Variants in SPHKAP observed in about 807,000 individuals in gnomAD.
SPHKAP encodes the protein SPHK1 interactor, AKAP domain containing.
A neutral mutation model predicts 137.5 loss-of-function variants in SPHKAP; 67 were observed. The ratio of observed to expected loss-of-function variants is 0.49; its 90% CI spans 0.40 to 0.60. The LOEUF (loss-of-function observed/expected upper bound fraction) is 0.60, where lower values mean the gene tolerates loss of function less well. SPHKAP is among the 20% of genes least tolerant of loss of function. The pLI is 0.00. For missense variants in SPHKAP, 2,097 were observed against 2,069.3 expected, an observed-to-expected ratio of 1.01 and a Z score of -0.26; for synonymous variants, 813 against 785.3, an observed-to-expected ratio of 1.04 and a Z score of -0.59.
At chr2:228,178,581 A>G (rs1225971896) in intron 1 of SPHKAP, among the ~76,000 whole-genome samples, 1 of 152,128 alleles carries the variant, frequency 6.6e-6, no homozygotes, top group African/African-American at 2.4e-5. Context: ...GACTTAGCAA[A>G]TCAAATCAAT....
At chr2:227,982,204 AG>A in intron 11 of SPHKAP, 1 of 985,154 alleles carries the variant, frequency 1.0e-6, no homozygotes, top group Non-Finnish European at 1.2e-6. Flanking sequence ...TTTCTGTAAT[AG>A]GATTGTGTAT....
Position 228,035,049 on chromosome 2 carries a change from G to A in SPHKAP, c.247-7506C>T, listed in dbSNP as rs577664508. Among the ~76,000 whole-genome samples, 375 of 149,080 alleles carry A rather than the reference G, an allele frequency of 2.5e-3. 1 individual carries two copies. Among genetic ancestry groups the A allele is most frequent in the African/African-American group, 9.1e-3 (366 of 40,256 alleles). Reference sequence around the variant, plus strand: ...TGGCCAGGGCAATTAGGCAGGAGAAGGAAATAAAGGGTATTCAATTAGGAA... The same window carrying A: ...TGGCCAGGGCAATTAGGCAGGAGAAAGAAATAAAGGGTATTCAATTAGGAA... On this transcript the variant is annotated intron_variant, in intron 3 of 11. Transcript: ENST00000392056.
At position 228,028,042 on chromosome 2, in the gene SPHKAP, T is replaced by A. The variant is rs1049194045; in HGVS notation, c.247-499A>T. 1.7e-5 allele frequency: 17 copies of A among 984,770 alleles called. No homozygotes were observed. The East Asian group carries it at 9.1e-4, about 53-fold the overall frequency. The allele number at this position is 984,770 out of a possible 1,614,324, so 61.0% of individuals were successfully genotyped here. Reference sequence around the variant, plus strand: ...TCCAAATAGCTCTCCAACACCCTGCTCAGCTTCCCACTGGTCACAACAAAT... The same window carrying A: ...TCCAAATAGCTCTCCAACACCCTGCACAGCTTCCCACTGGTCACAACAAAT... On this transcript the variant is annotated intron_variant, in intron 3 of 11. Transcript: ENST00000392056.
intron 3 of SPHKAP, chr2:228,027,988 A>T (rs1257218096): frequency 1.1e-4 from 110 of 983,078 alleles, no homozygotes; most frequent in Non-Finnish European, 1.3e-4. Context: ...AAAAAAGAAA[A>T]AAAGAAATAG....
chr2:227,990,891 G>A, intron 11 of SPHKAP, 109 bp downstream of exon 11: 1 of 1,118,442 alleles, frequency 8.9e-7, no homozygotes, highest in Non-Finnish European at 1.3e-6. Flanking sequence ...ATCAAGAACA[G>A]TCAGGATCAA....
rs369861574 is a variant in SPHKAP at position 227,986,362 on chromosome 2, T to C, written c.4960-4502A>G. Among the ~76,000 whole-genome samples the C allele has an allele frequency of 4.9e-3, 743 of 152,308 alleles. 4 individuals are homozygous for C. The highest frequency in any genetic ancestry group is 5.9e-3 in the Non-Finnish European group (401 of 68,032). On this transcript the variant is annotated intron_variant, in intron 11 of 11. Transcript: ENST00000392056. ...TATGTTCTCACTCATAAGTGGGAGC[T>C]AAGCCATGAGAATGCAAAGGCATAT...
chr2:228,026,726 G>A (rs933062516), intron 4 of SPHKAP, among the ~76,000 whole-genome samples: 8 of 152,050 alleles, frequency 5.3e-5, no homozygotes, highest in Admixed American at 2.6e-4. Flanking sequence ...TTTGGGGCTC[G>A]GTGAAAATTT....
intron 3 of SPHKAP, among the ~76,000 whole-genome samples, chr2:228,050,422 T>C (rs143156527): frequency 1.1e-3 from 165 of 152,312 alleles, no homozygotes; most frequent in African/African-American, 3.7e-3. Context: ...TTCCTTTACC[T>C]ACAATTTGTT....
At chr2:228,074,952 A>C (rs1697129642) in intron 3 of SPHKAP, among the ~76,000 whole-genome samples, 2 of 152,080 alleles carry the variant, frequency 1.3e-5, no homozygotes, top group African/African-American at 4.8e-5. Flanking sequence ...CAATGTTATA[A>C]AAAAGAAGGA....
chr2:228,041,354 A>G lies in SPHKAP; in HGVS notation c.247-13811T>C, dbSNP rs967621921. Among the ~76,000 whole-genome samples the G allele has an allele frequency of 2.6e-5, 4 of 152,224 alleles. No individual in the cohort carries two copies. In the East Asian group the frequency reaches 7.7e-4, roughly 29 times the overall value. On this transcript the variant is annotated intron_variant, in intron 3 of 11. Coordinates refer to ENST00000392056, the MANE Select transcript of SPHKAP (RefSeq NM_001142644.2). ...GATTCTCCAAGTATTTGTTCAGAAG[A>G]CAGTTCTGGGCTGGGCACAGTGGCT...
intron 7 of SPHKAP, among the ~76,000 whole-genome samples, chr2:228,010,632 GCT>G (rs1694333469): frequency 6.6e-6 from 1 of 152,056 alleles, no homozygotes; most frequent in South Asian, 2.1e-4. Flanking sequence ...TATCTTTAAA[GCT>G]CTCTCTGTAG....
chr2:228,044,610 CT>C (rs1695965724), intron 3 of SPHKAP, among the ~76,000 whole-genome samples: 1 of 152,084 alleles, frequency 6.6e-6, no homozygotes, highest in East Asian at 1.9e-4. Flanking sequence ...AAATTCAAGC[CT>C]TTGAAAAATG....
chr2:228,107,242 T>C (rs1401684511), intron 3 of SPHKAP, among the ~76,000 whole-genome samples: 1 of 152,182 alleles, frequency 6.6e-6, no homozygotes, highest in African/African-American at 2.4e-5. Context: ...CAACCTTCCC[T>C]GAATCCATTA....
At chr2:228,098,858 G>T (rs1698094508) in intron 3 of SPHKAP, among the ~76,000 whole-genome samples, 1 of 148,768 alleles carries the variant, frequency 6.7e-6, no homozygotes, top group Admixed American at 6.7e-5. Context: ...TTTTTTGCTT[G>T]TTTACTTTTT....
At chr2:228,039,107 C>T (rs1299169617) in intron 3 of SPHKAP, among the ~76,000 whole-genome samples, 1 of 152,216 alleles carries the variant, frequency 6.6e-6, no homozygotes, top group Non-Finnish European at 1.5e-5. Flanking sequence ...CCTTTCTCTT[C>T]ACATAAAATA....
In SPHKAP at chr2:228,108,839, C is replaced by G; in HGVS notation, c.239G>C (p.Cys80Ser). ...IGFVEDKSEN[C>S]ASVCFVNLDV... Reference sequence around the variant, plus strand: ...AGAATTCTGTGTACTTACAGAAGCACAGTTTTCAGACTTGTCTTCTACAAA... The same window carrying G: ...AGAATTCTGTGTACTTACAGAAGCAGAGTTTTCAGACTTGTCTTCTACAAA... Residue 80 changes from cysteine (C) to serine (S), a missense_variant, in exon 3 of 12, where the codon TGT becomes TCT. Cys to Ser is a moderately radical substitution (Grantham distance 112). Coordinates refer to ENST00000392056, the MANE Select transcript of SPHKAP (RefSeq NM_001142644.2). 6.2e-7 allele frequency: 1 copy of G among 1,606,086 alleles called. No homozygotes were observed. The highest frequency in any genetic ancestry group is 1.1e-5 in the South Asian group (1 of 89,864).
chr2:228,023,106 A>G (rs1694902604), intron 5 of SPHKAP, among the ~76,000 whole-genome samples: 1 of 152,174 alleles, frequency 6.6e-6, no homozygotes, highest in Non-Finnish European at 1.5e-5. Context: ...CTCATTCTCC[A>G]CTACACATTG....
intron 1 of SPHKAP, among the ~76,000 whole-genome samples, chr2:228,143,725 C>T (rs1006900851): frequency 2.2e-5 from 3 of 137,162 alleles, no homozygotes; most frequent in Non-Finnish European, 3.1e-5. Context: ...AGGCTAATCT[C>T]GAACTCCTGA....
rs181268909 is a variant in SPHKAP, at chr2:228,003,089, T to A, written c.4449-7395A>T. On this transcript the variant is annotated intron_variant, in intron 7 of 11. Coordinates refer to ENST00000392056, the MANE Select transcript of SPHKAP (RefSeq NM_001142644.2). ...TCCATGTGAACTTTAAAGTAGTTTT[T>A]TCCAATCTGTGAAGAAAGTCATTGG... 1.3e-3 allele frequency among the ~76,000 whole-genome samples: 200 copies of A among 152,334 alleles called. 5 individuals carry two copies. In the East Asian group the frequency reaches 0.033, roughly 25 times the overall value.
Sources: allele counts gnomAD v4.1 joint callset (sites outside exome capture counted in the v4.1 genomes callset), GRCh38; gene constraint gnomAD v4.1.1; transcripts MANE v1.5; gene names NCBI Gene and HGNC (gene_info 2026-07-23, HGNC 2026-07-21).